The following HABP2 variants were observed in gnomAD, a reference collection of about 807,000 sequenced individuals.
HABP2 encodes the protein factor VII-activating protease.
HABP2 carries 65 observed loss-of-function variants against 66.5 expected under a neutral mutation model. The ratio of observed to expected loss-of-function variants is 0.98; its 90% CI spans 0.80 to 1.20. The LOEUF is 1.20. Among genes scored for constraint, HABP2 ranks in the 50% most tolerant of loss-of-function variants. The pLI, the probability that HABP2 is intolerant of heterozygous loss-of-function variation, is 0.00. For synonymous variants in HABP2, 263 were observed against 253.9 expected (o/e 1.04, Z -0.34); for missense variants, 786 against 691.0 (o/e 1.14, Z -1.54).
intron 2 of HABP2, among the ~76,000 whole-genome samples, chr10:113,568,892 G>C (rs1230484779): frequency 6.6e-6 from 1 of 152,230 alleles, no homozygotes; most frequent in African/African-American, 2.4e-5. Flanking sequence ...AGTTGTAAGA[G>C]ACATCTACAG....
intron 6 of HABP2, 71 bp downstream of exon 6, chr10:113,578,216 C>T (rs1845449379): frequency 1.3e-6 from 2 of 1,529,258 alleles, no homozygotes; most frequent in Non-Finnish European, 1.8e-6. Flanking sequence ...GGTTTTGTTG[C>T]CAGAATGTGG....
chr10:113,551,131 G>A (rs1242193299), upstream of HABP2, among the ~76,000 whole-genome samples: 1 of 152,198 alleles, frequency 6.6e-6, no homozygotes, highest in Non-Finnish European at 1.5e-5. Flanking sequence ...TGGATAAAGT[G>A]GTCATTCATT....
chr10:113,564,991 C>A (rs1248524299), intron 1 of HABP2, among the ~76,000 whole-genome samples: 1 of 150,688 alleles, frequency 6.6e-6, no homozygotes, highest in African/African-American at 2.5e-5. Flanking sequence ...GGACTACAGG[C>A]CCCCGCTGCC....
intron 2 of HABP2, among the ~76,000 whole-genome samples, chr10:113,567,794 G>C (rs150007488): frequency 6.6e-6 from 1 of 152,310 alleles, no homozygotes; most frequent in Non-Finnish European, 1.5e-5. Flanking sequence ...ATTTTATAAA[G>C]AACTGAGGCC....
At position 113,588,873 on chromosome 10, in the gene HABP2, G is replaced by C; in HGVS notation, c.*504G>C. 1 of 797,024 alleles carries C rather than the reference G, an allele frequency of 1.3e-6. No homozygotes were observed. The highest frequency in any genetic ancestry group is 2.0e-5 in the Admixed American group (1 of 49,954). 49.4% of individuals were successfully genotyped at this position (797,024 alleles called of 1,614,324 possible). On this transcript the variant is annotated 3_prime_UTR_variant, in exon 13 of 13. Coordinates refer to ENST00000351270, the MANE Select transcript of HABP2 (RefSeq NM_004132.5). ...TTTAATAAAGGAAGATCTGGGATGG[G>C]CTGGTGGGCCATTCCAGCTTGCCGA...
chr10:113,582,819 G>A (rs892005991), intron 9 of HABP2, among the ~76,000 whole-genome samples: 3 of 152,290 alleles, frequency 2.0e-5, no homozygotes, highest in Non-Finnish European at 4.4e-5. Context: ...TTTGGAGGTG[G>A]CCATGAAGGT....
rs1564680726 is a variant in HABP2, at chr10:113,583,278, A to G, written c.1157A>G (p.His386Arg). 1 of 1,612,342 alleles carries G rather than the reference A, an allele frequency of 6.2e-7. No individual in the cohort carries two copies. The highest frequency in any genetic ancestry group is 1.3e-5 in the African/African-American group (1 of 75,018). The change falls in exon 10 of 13, where the codon CAT (histidine) becomes CGT (arginine). Residue 386 changes from histidine to arginine, a missense_variant. By Grantham distance (29) the His-to-Arg change is conservative (BLOSUM62 0). Transcript: ENST00000351270. ...CAGGACCTGAAGAAAGAAGAATTTCATGAGCAGAGCTTTAGGGTGGAGAAG... is the reference window on the plus strand; with the variant it reads ...CAGGACCTGAAGAAAGAAGAATTTCGTGAGCAGAGCTTTAGGGTGGAGAAG... ...GDQDLKKEEF[H>R]EQSFRVEKIF...
intron 2 of HABP2, among the ~76,000 whole-genome samples, chr10:113,574,005 G>A (rs1243954748): frequency 3.9e-5 from 6 of 152,048 alleles, no homozygotes; most frequent in South Asian, 4.2e-4. Flanking sequence ...TAAGTTCAAG[G>A]GAGTAGAAAG....
rs764972183 is a variant in HABP2 at position 113,588,245 on chromosome 10, C to G, written c.1559C>G (p.Thr520Ser). The stretch of plus-strand genomic sequence containing the variant: ...CCCCTGACCTGTGAGAAGGACGGCA[C>G]CTACTACGTCTATGGGATAGTGAGC... ...GGPLTCEKDG[T>S]YYVYGIVSWG... Residue 520 changes from threonine (T) to serine (S), a missense_variant, in exon 13 of 13, where the codon ACC (threonine) becomes AGC (serine). Physicochemically the swap from Thr to Ser is moderately conservative, Grantham distance 58. Transcript: ENST00000351270. The G allele has an allele frequency of 6.2e-7, 1 of 1,613,088 alleles. No homozygotes were observed. Among genetic ancestry groups the G allele is most frequent in the East Asian group, 2.2e-5 (1 of 44,888 alleles).
Position 113,578,731 on chromosome 10 carries a change from CAGG to C in HABP2, c.676_678del (p.Glu226del). ...TTACTGGAACTCCCACCTCCTCTTGCAGGAGAATTACAACATGTTTATGGAGGA... is the reference window on the plus strand; with the variant it reads ...TTACTGGAACTCCCACCTCCTCTTGCAGAATTACAACATGTTTATGGAGGA... On this transcript the variant is annotated inframe_deletion, in exon 7 of 13. Coordinates refer to ENST00000351270, the MANE Select transcript of HABP2 (RefSeq NM_004132.5). 6.2e-7 allele frequency: 1 copy of C among 1,609,532 alleles called. No individual in the cohort carries two copies. The highest frequency in any genetic ancestry group is 8.5e-7 in the Non-Finnish European group (1 of 1,175,818).
chr10:113,583,325 A>C lies in HABP2; in HGVS notation c.1204A>C (p.Asn402His). The change falls in exon 10 of 13, where the codon AAT becomes CAT. Residue 402 changes from asparagine to histidine, a missense_variant. Transcript: ENST00000351270. ...VEKIFKYSHY[N>H]ERDEIPHNDI... ...GAAGATATTCAAGTACAGCCACTAC[A>C]ATGAAAGAGATGAGATTCCCCACAA... 1 of 1,612,834 alleles carries C rather than the reference A, an allele frequency of 6.2e-7. No homozygotes were observed. The highest frequency in any genetic ancestry group is 1.7e-4 in the Middle Eastern group (1 of 6,060).
chr10:113,588,504 C>T lies in HABP2; in HGVS notation c.*135C>T. 1.6e-6 allele frequency: 1 copy of T among 630,428 alleles called. No homozygotes were observed. The allele number at this position is 630,428 out of a possible 1,614,324, so 39.1% of individuals were successfully genotyped here. On this transcript the variant is annotated 3_prime_UTR_variant, in exon 13 of 13. Coordinates refer to ENST00000351270, the MANE Select transcript of HABP2 (RefSeq NM_004132.5). ...CTATCCCTACTCTAAGCAGAGACAA[C>T]TGCCACCCAGCCTGGGCCTTCCCAG...
chr10:113,570,651 T>C (rs1429433618), intron 2 of HABP2, among the ~76,000 whole-genome samples: 1 of 152,376 alleles, frequency 6.6e-6, no homozygotes, highest in East Asian at 1.9e-4. Flanking sequence ...TCAGGTATTT[T>C]CTTTGCCAAG....
At chr10:113,578,555 C>A in intron 6 of HABP2, 72 bp from the exon 7 acceptor site, 1 of 1,023,194 alleles carries the variant, frequency 9.8e-7, no homozygotes, top group Non-Finnish European at 1.5e-6. Flanking sequence ...ATGTCACATA[C>A]CCACCAAGCC....
At chr10:113,578,283 A>G (rs774080665) in intron 6 of HABP2, 138 bp downstream of exon 6, 17 of 949,122 alleles carry the variant, frequency 1.8e-5, no homozygotes, top group Non-Finnish European at 2.6e-5. Context: ...CTAAAGGGAT[A>G]GGGCGTGTCT....
chr10:113,579,984 C>G (rs983671433), intron 7 of HABP2, among the ~76,000 whole-genome samples: 3 of 152,048 alleles, frequency 2.0e-5, no homozygotes, highest in Admixed American at 2.0e-4. Context: ...GTTTCACCAT[C>G]TTGGCCAGCC....
intron 1 of HABP2, among the ~76,000 whole-genome samples, chr10:113,559,012 G>A (rs1356600548): frequency 2.0e-5 from 3 of 152,192 alleles, no homozygotes; most frequent in South Asian, 2.1e-4. Context: ...CTGCCACCAC[G>A]CCCAGCTAAT....
chr10:113,582,006 C>T lies in HABP2; in HGVS notation c.969C>T (p.Gly323=). 2 of 1,614,218 alleles carry T rather than the reference C, an allele frequency of 1.2e-6. No homozygotes were observed. The highest frequency in any genetic ancestry group is 1.1e-5 in the South Asian group (1 of 91,088). ...ATGGAGGCTTTAAGAGCACGGCGGG[C>T]AAGCACCCATGGCAGGCGTCCCTCC... ...RIYGGFKSTA[G]KHPWQASLQS... The change falls in exon 9 of 13, where the codon GGC becomes GGT. Residue 323 remains glycine (G), a synonymous_variant. Transcript: ENST00000351270.
In HABP2 at chr10:113,588,474, G is replaced by A; in HGVS notation, c.*105G>A. 2 of 790,586 alleles carry A rather than the reference G, an allele frequency of 2.5e-6. No homozygotes were observed. The highest frequency in any genetic ancestry group is 3.8e-5 in the South Asian group (2 of 52,248). The allele number at this position is 790,586 out of a possible 1,614,324, so 49.0% of individuals were successfully genotyped here. On this transcript the variant is annotated 3_prime_UTR_variant, in exon 13 of 13. Transcript: ENST00000351270. ...TCCAGAGCCTCCAGGGGACCACACAGTAGACTATCCCTACTCTAAGCAGAG... is the reference window on the plus strand; with the variant it reads ...TCCAGAGCCTCCAGGGGACCACACAATAGACTATCCCTACTCTAAGCAGAG...
Sources: gnomAD v4.1 joint callset for allele counts (sites outside exome capture counted in the v4.1 genomes callset) on GRCh38, gnomAD v4.1.1 for gene constraint, MANE v1.5 for transcripts, NCBI Gene and HGNC (gene_info 2026-07-23, HGNC 2026-07-21) for gene names.